ATXN10: variants seen among roughly 807,000 people sequenced by gnomAD.
ATXN10 encodes the protein ataxin 10.
A neutral mutation model predicts 52.9 loss-of-function variants in ATXN10; 28 were observed. The observed-to-expected ratio is 0.53, with a 90% confidence interval of 0.39 to 0.73. The LOEUF is 0.73. ATXN10 is among the 30% of genes least tolerant of loss of function. The probability of loss-of-function intolerance (pLI) is 0.00; values close to 1 mark genes in which losing one functional copy is unlikely to be tolerated. For synonymous variants in ATXN10, 226 were observed against 221.5 expected (o/e 1.02, Z -0.18); for missense variants, 565 against 577.0 (o/e 0.98, Z 0.21).
chr22:45,702,589 A>G, intron 4 of ATXN10, 100 bp from the exon 5 acceptor site: 1 of 1,078,730 alleles, frequency 9.3e-7, no homozygotes, highest in Non-Finnish European at 1.4e-6. Flanking sequence ...AATCCTCAAA[A>G]GTATTAGCAT....
chr22:45,675,827 C>T (rs1346165980), intron 1 of ATXN10: 1 of 152,220 alleles, frequency 6.6e-6, no homozygotes, highest in Non-Finnish European at 1.5e-5. Flanking sequence ...CATTCTGTAA[C>T]CCACTTCTTA....
chr22:45,772,643 G>C lies in ATXN10; in HGVS notation c.1173+32105G>C, dbSNP rs557807666. Among the ~76,000 whole-genome samples the C allele has an allele frequency of 7.2e-5, 11 of 152,274 alleles. No individual in the cohort carries two copies. In the South Asian group the frequency reaches 8.3e-4, roughly 11 times the overall value. On this transcript the variant is annotated intron_variant, in intron 9 of 11. Transcript: ENST00000252934. The surrounding 1 kb of genome is among the most constrained non-coding windows in gnomAD (Gnocchi z 4.1). Reference sequence around the variant, plus strand: ...TGCGTTAAATATACAGCTCTCTTTGGGGGGAATCAATGTCTTACTGTGTTG... The same window carrying C: ...TGCGTTAAATATACAGCTCTCTTTGCGGGGAATCAATGTCTTACTGTGTTG...
At chr22:45,740,273 A>G (rs1212030039) in intron 8 of ATXN10, 96 bp from the exon 9 acceptor site, 8 of 1,193,436 alleles carry the variant, frequency 6.7e-6, no homozygotes, top group South Asian at 5.0e-5. Context: ...CCTTTAGCCT[A>G]TTACAATAAA....
At position 45,780,140 on chromosome 22, in the gene ATXN10, G is replaced by C. The variant is rs1280948384; in HGVS notation, c.1174-26819G>C. Among the ~76,000 whole-genome samples the C allele has an allele frequency of 6.6e-6, 1 of 150,512 alleles. No homozygotes were observed. Among genetic ancestry groups the C allele is most frequent in the African/African-American group, 2.5e-5 (1 of 40,740 alleles). On this transcript the variant is annotated intron_variant, in intron 9 of 11. Transcript: ENST00000252934. The surrounding 1 kb of genome is among the most constrained non-coding windows in gnomAD (Gnocchi z 4.0). ...GTTGTGTCACCCAGGCTGGAGTGCA[G>C]TGGCACGATCTTGGTTCACTGCAAC...
chr22:45,751,995 G>A (rs951781882), intron 9 of ATXN10, among the ~76,000 whole-genome samples: 2 of 151,174 alleles, frequency 1.3e-5, no homozygotes, highest in African/African-American at 4.9e-5. Flanking sequence ...ATCTTATTCA[G>A]GTAGAATTTA....
chr22:45,785,722 CA>C (rs1927301299), intron 9 of ATXN10, among the ~76,000 whole-genome samples: 1 of 152,326 alleles, frequency 6.6e-6, no homozygotes, highest in Admixed American at 6.5e-5. Context: ...GCCTTCTTGC[CA>C]TTACCTCTTG....
At chr22:45,686,630 C>A (rs1269234463) in intron 1 of ATXN10, among the ~76,000 whole-genome samples, 1 of 151,934 alleles carries the variant, frequency 6.6e-6, no homozygotes, top group Non-Finnish European at 1.5e-5. Context: ...CCAGCCTGAC[C>A]AAAATGGTGA....
At chr22:45,834,336 C>G (rs968664871) in intron 10 of ATXN10, among the ~76,000 whole-genome samples, 2 of 152,174 alleles carry the variant, frequency 1.3e-5, no homozygotes, top group Non-Finnish European at 2.9e-5. Flanking sequence ...AGGCCTGACA[C>G]TTCCCCGGTT....
intron 9 of ATXN10, among the ~76,000 whole-genome samples, chr22:45,743,400 C>T (rs1925612171): frequency 6.6e-6 from 1 of 152,188 alleles, no homozygotes. Context: ...CTTGTTCCAG[C>T]TGGGTGTTAC....
Position 45,740,729 on chromosome 22 carries a change from C to T in ATXN10, c.1173+191C>T, listed in dbSNP as rs10775782. ...ACACACACACACACACATATATATA[C>T]ACACACACACGTGTGTGTGTGTGTG... On this transcript the variant is annotated intron_variant, in intron 9 of 11. Transcript: ENST00000252934. 0.52 allele frequency: 182,571 copies of T among 353,020 alleles called. 48,641 individuals are homozygous for T. Among genetic ancestry groups the T allele is most frequent in the East Asian group, 0.61 (11,139 of 18,162 alleles). 21.9% of individuals were successfully genotyped at this position (353,020 alleles called of 1,614,324 possible).
intron 9 of ATXN10, among the ~76,000 whole-genome samples, chr22:45,741,249 CTT>C (rs1925522801): frequency 6.6e-6 from 1 of 152,208 alleles, no homozygotes; most frequent in South Asian, 2.1e-4. Context: ...TGCAGTATGA[CTT>C]TGCCACTCCC....
intron 9 of ATXN10, chr22:45,793,283 G>A (rs139919988): frequency 1.2e-3 from 191 of 163,162 alleles, no homozygotes; most frequent in African/African-American, 4.3e-3. Context: ...TTTGTCCTCA[G>A]CATGTCTTCC....
chr22:45,817,785 T>G (rs945257674), intron 10 of ATXN10, among the ~76,000 whole-genome samples: 4 of 152,082 alleles, frequency 2.6e-5, no homozygotes, highest in African/African-American at 9.7e-5. Context: ...TGAAGGGAGC[T>G]GATTGCCGGG....
At position 45,759,802 on chromosome 22, in the gene ATXN10, G is replaced by C. The variant is rs780077594; in HGVS notation, c.1173+19264G>C. ...CATATAACAGTCAGCACTGTCCATCGCTTGCTTCTCTCTCTTTCTAATTTA... is the reference window on the plus strand; with the variant it reads ...CATATAACAGTCAGCACTGTCCATCCCTTGCTTCTCTCTCTTTCTAATTTA... On this transcript the variant is annotated intron_variant, in intron 9 of 11. Transcript: ENST00000252934. The surrounding 1 kb of genome is among the most constrained non-coding windows in gnomAD (Gnocchi z 5.4). 6.6e-6 allele frequency among the ~76,000 whole-genome samples: 1 copy of C among 152,128 alleles called. No homozygotes were observed.
Position 45,766,151 on chromosome 22 carries a change from T to C in ATXN10, c.1173+25613T>C, listed in dbSNP as rs1926574426. ...AAAAGAAGGAATATTTAATAAAAAG[T>C]ATGGGGACAAGGATATCCGCTACCT... On this transcript the variant is annotated intron_variant, in intron 9 of 11. Coordinates refer to ENST00000252934, the MANE Select transcript of ATXN10 (RefSeq NM_013236.4). The surrounding 1 kb of genome is among the most constrained non-coding windows in gnomAD (Gnocchi z 4.6). Among the ~76,000 whole-genome samples, 1 of 152,134 alleles carries C rather than the reference T, an allele frequency of 6.6e-6. No individual in the cohort carries two copies. Among genetic ancestry groups the C allele is most frequent in the Non-Finnish European group, 1.5e-5 (1 of 68,014 alleles).
At chr22:45,746,200 T>A (rs1050091517) in intron 9 of ATXN10, among the ~76,000 whole-genome samples, 2 of 151,810 alleles carry the variant, frequency 1.3e-5, no homozygotes, top group African/African-American at 2.4e-5. Context: ...AATTTACAGT[T>A]GTTAAACATT....
rs1923228829 is a variant in ATXN10 at position 45,688,329 on chromosome 22, A to AC, written c.117-1381dup. Among the ~76,000 whole-genome samples, 1 of 152,098 alleles carries AC rather than the reference A, an allele frequency of 6.6e-6. No homozygotes were observed. The highest frequency in any genetic ancestry group is 2.1e-4 in the South Asian group (1 of 4,818). ...TAATTTATACTCTGCCTCTTTCAAAACCAAGTTTGAGATACCTTAAAAAAT... is the reference window on the plus strand; with the variant it reads ...TAATTTATACTCTGCCTCTTTCAAAACCCAAGTTTGAGATACCTTAAAAAAT... On this transcript the variant is annotated intron_variant, in intron 1 of 11. Transcript: ENST00000252934. The surrounding 1 kb of genome is among the most constrained non-coding windows in gnomAD (Gnocchi z 4.0).
At chr22:45,736,300 C>G (rs1925293455) in intron 7 of ATXN10, among the ~76,000 whole-genome samples, 1 of 152,172 alleles carries the variant, frequency 6.6e-6, no homozygotes, top group Admixed American at 6.5e-5. Flanking sequence ...ATCAAAGCTC[C>G]AACATATTTC....
rs536626741 is a variant in ATXN10 at position 45,839,616 on chromosome 22, T to C, written c.1238-3375T>C. 5.3e-5 allele frequency among the ~76,000 whole-genome samples: 8 copies of C among 152,340 alleles called. No homozygotes were observed. In the South Asian group the frequency reaches 1.2e-3, roughly 24 times the overall value. On this transcript the variant is annotated intron_variant, in intron 10 of 11. Coordinates refer to ENST00000252934, the MANE Select transcript of ATXN10 (RefSeq NM_013236.4). ...AATTAGCTACCAAACACTTGAAGGG[T>C]GAGTTGCTATTAAAATACCGTGGTA...
Sources: gnomAD v4.1 joint callset for allele counts (sites outside exome capture counted in the v4.1 genomes callset) on GRCh38, gnomAD v4.1.1 for gene constraint, Gnocchi (gnomAD v3.1) non-coding constraint, MANE v1.5 for transcripts, NCBI Gene and HGNC (gene_info 2026-07-23, HGNC 2026-07-21) for gene names.